PEX7: variants seen among roughly 807,000 people sequenced by gnomAD.
PEX7 encodes PTS2 receptor.
A neutral mutation model predicts 47.5 loss-of-function variants in PEX7; 34 were observed. That is an observed-to-expected ratio of 0.72 (90% CI 0.54 to 0.95). The LOEUF (loss-of-function observed/expected upper bound fraction) is 0.95. Among genes scored for constraint, PEX7 ranks in the 40% least tolerant of loss-of-function variants. The pLI is 0.00. For synonymous variants in PEX7, 141 were observed against 148.8 expected (o/e 0.95, Z 0.38); for missense variants, 394 against 400.3 (o/e 0.98, Z 0.13).
intron 3 of PEX7, among the ~76,000 whole-genome samples, chr6:136,836,394 G>A (rs1015794450): frequency 6.6e-6 from 1 of 151,948 alleles, no homozygotes; most frequent in African/African-American, 2.4e-5. Context: ...GGGGAAGGGG[G>A]ACCAGAATGG....
At chr6:136,855,530 G>A (rs1006684125) in intron 5 of PEX7, among the ~76,000 whole-genome samples, 1 of 152,040 alleles carries the variant, frequency 6.6e-6, no homozygotes, top group Non-Finnish European at 1.5e-5. Flanking sequence ...AGTAGAGCCG[G>A]GCTTTCGCCT....
chr6:136,877,180 G>A (rs568071052), intron 8 of PEX7, among the ~76,000 whole-genome samples: 1 of 151,388 alleles, frequency 6.6e-6, no homozygotes, highest in African/African-American at 2.4e-5. Context: ...ACTTTTTGAT[G>A]GGGTTGTTTT....
intron 9 of PEX7, 64 bp from the exon 10 acceptor site, chr6:136,913,394 G>C: frequency 9.0e-7 from 1 of 1,110,000 alleles, no homozygotes; most frequent in Non-Finnish European, 1.4e-6. Context: ...TTGAGTTTTT[G>C]CTGTCAATTT....
At chr6:136,871,092 ATTTG>A (rs1210087195) in intron 7 of PEX7, among the ~76,000 whole-genome samples, 16 of 152,222 alleles carry the variant, frequency 1.1e-4, no homozygotes, top group Non-Finnish European at 2.2e-4. Context: ...TTTTTAATAA[ATTTG>A]TTTAATTGGA....
intron 3 of PEX7, among the ~76,000 whole-genome samples, chr6:136,832,993 G>A (rs142120807): frequency 1.2e-3 from 176 of 152,228 alleles, no homozygotes; most frequent in Non-Finnish European, 2.0e-3. Context: ...GCCTCTGCCC[G>A]TTACCCAGTT....
intron 3 of PEX7, among the ~76,000 whole-genome samples, chr6:136,837,065 G>A (rs1774398913): frequency 6.6e-6 from 1 of 151,848 alleles, no homozygotes; most frequent in Non-Finnish European, 1.5e-5. Context: ...CAGTAATTAT[G>A]TCATTAGAAA....
At chr6:136,898,283 C>A (rs1314605112) in intron 9 of PEX7, 42 bp downstream of exon 9, 2 of 1,159,964 alleles carry the variant, frequency 1.7e-6, no homozygotes, top group East Asian at 2.3e-5. Flanking sequence ...TGCCCAAGTT[C>A]ACAGCCAACT....
chr6:136,889,685 C>T (rs1213795475), intron 8 of PEX7, among the ~76,000 whole-genome samples: 2 of 152,112 alleles, frequency 1.3e-5, no homozygotes, highest in African/African-American at 4.8e-5. Context: ...ACTGCTTTTT[C>T]TCATTTTTCG....
intron 3 of PEX7, among the ~76,000 whole-genome samples, chr6:136,830,723 T>C (rs1391719557): frequency 6.6e-6 from 1 of 152,158 alleles, no homozygotes; most frequent in African/African-American, 2.4e-5. Context: ...CTACTGAGAG[T>C]GAGTTAAAGT....
chr6:136,866,389 T>G (rs1358289173), intron 5 of PEX7, among the ~76,000 whole-genome samples: 2 of 152,182 alleles, frequency 1.3e-5, no homozygotes, highest in African/African-American at 4.8e-5. Flanking sequence ...TGTGTTTATC[T>G]CAGCGTGAGA....
intron 1 of PEX7, among the ~76,000 whole-genome samples, chr6:136,823,607 C>G (rs1295021395): frequency 6.6e-6 from 1 of 151,862 alleles, no homozygotes; most frequent in East Asian, 1.9e-4. Flanking sequence ...GAAAAAAGGC[C>G]AAGCGCCGTG....
chr6:136,843,015 A>T (rs529186198), intron 3 of PEX7, among the ~76,000 whole-genome samples: 1 of 152,232 alleles, frequency 6.6e-6, no homozygotes, highest in Non-Finnish European at 1.5e-5. Flanking sequence ...GTAAAGGGTG[A>T]AACCAGCAGG....
chr6:136,876,226 A>G (rs952718137), intron 8 of PEX7, among the ~76,000 whole-genome samples: 1 of 151,854 alleles, frequency 6.6e-6, no homozygotes, highest in Non-Finnish European at 1.5e-5. Context: ...TTTAGTAGAG[A>G]TGGGGTTTCA....
chr6:136,863,175 C>T (rs74397188), intron 5 of PEX7, among the ~76,000 whole-genome samples: 2 of 152,266 alleles, frequency 1.3e-5, no homozygotes, highest in South Asian at 2.1e-4. Flanking sequence ...TATGTTGTCA[C>T]TAGTGGGTCC....
intron 8 of PEX7, among the ~76,000 whole-genome samples, chr6:136,874,370 C>T (rs755134367): frequency 6.6e-6 from 1 of 152,076 alleles, no homozygotes; most frequent in Non-Finnish European, 1.5e-5. Context: ...CAAATTTATT[C>T]GTAGAGGTGT....
intron 9 of PEX7, among the ~76,000 whole-genome samples, chr6:136,903,355 T>TC (rs34974430): frequency 2.7e-5 from 4 of 149,448 alleles, no homozygotes; most frequent in African/African-American, 9.8e-5. Context: ...TTTTTTTTTT[T>TC]CATAGAGACA....
chr6:136,872,144 T>C (rs1775192228), intron 7 of PEX7, 54 bp from the exon 8 acceptor site: 2 of 1,414,802 alleles, frequency 1.4e-6, no homozygotes, highest in African/African-American at 1.4e-5. Context: ...GAAAGCAGTG[T>C]TATAATCACA....
In PEX7 at chr6:136,907,396, A is replaced by C. The variant is rs199900134; in HGVS notation, c.904-6062A>C. Among the ~76,000 whole-genome samples, 64 of 152,284 alleles carry C rather than the reference A, an allele frequency of 4.2e-4. 1 individual carries two copies. Among genetic ancestry groups the C allele is most frequent in the Middle Eastern group, 3.4e-3 (1 of 294 alleles). ...ACTTTCTATTGTAAGCTGGTTGAGT[A>C]AGTAAAGCATGTTTCTTCCTTGAGT... is the stretch of plus-strand genomic sequence containing the variant. On this transcript the variant is annotated intron_variant, in intron 9 of 9. Coordinates refer to ENST00000318471, the MANE Select transcript of PEX7 (RefSeq NM_000288.4).
intron 8 of PEX7, among the ~76,000 whole-genome samples, chr6:136,896,999 G>A (rs1775663597): frequency 6.6e-6 from 1 of 152,130 alleles, no homozygotes; most frequent in African/African-American, 2.4e-5. Flanking sequence ...CCCTCATTTG[G>A]TTGAACAGGC....
Sources: gnomAD v4.1 joint callset for allele counts (sites outside exome capture counted in the v4.1 genomes callset) on GRCh38, gnomAD v4.1.1 for gene constraint, MANE v1.5 for transcripts, NCBI Gene and HGNC (gene_info 2026-07-23, HGNC 2026-07-21) for gene names.